The following RIMS2 variants were observed in gnomAD, a reference collection of about 807,000 sequenced individuals.
RIMS2 encodes the protein regulating synaptic membrane exocytosis 2.
In RIMS2, 59 loss-of-function variants were observed where a neutral mutation model predicts 174.4. The ratio of observed to expected loss-of-function variants is 0.34; its 90% CI spans 0.27 to 0.42. RIMS2 has a LOEUF of 0.42. RIMS2 is among the 10% of genes least tolerant of loss of function. RIMS2 has a pLI of 1.00. For missense variants in RIMS2, 1,620 were observed against 1,666.3 expected, an observed-to-expected ratio of 0.97 and a Z score of 0.48; for synonymous variants, 606 against 572.5, an observed-to-expected ratio of 1.06 and a Z score of -0.84.
At chr8:104,228,498 T>G (rs1213821347) in intron 19 of RIMS2, among the ~76,000 whole-genome samples, 2 of 152,228 alleles carry the variant, frequency 1.3e-5, no homozygotes, top group African/African-American at 4.8e-5. Context: ...AGAAAAATTC[T>G]TCATACATTT....
intron 19 of RIMS2, among the ~76,000 whole-genome samples, chr8:104,139,607 T>A (rs2098550026): frequency 6.6e-6 from 1 of 152,234 alleles, no homozygotes. Context: ...TGTATGTCAA[T>A]TTTATGTCCT....
intron 19 of RIMS2, 93 bp from the exon 24 acceptor site, chr8:104,093,378 G>T: frequency 2.3e-6 from 2 of 882,682 alleles, no homozygotes; most frequent in Non-Finnish European, 3.3e-6. Context: ...TTTCCTCTGT[G>T]GACAATTAAA....
chr8:103,929,678 A>G (rs994766786), intron 11 of RIMS2, among the ~76,000 whole-genome samples: 7 of 151,926 alleles, frequency 4.6e-5, no homozygotes, highest in African/African-American at 1.4e-4. Context: ...GATACTATCT[A>G]TAACACCTCT....
chr8:104,090,712 C>T (rs1331730456), intron 19 of RIMS2, among the ~76,000 whole-genome samples: 2 of 151,686 alleles, frequency 1.3e-5, no homozygotes, highest in Non-Finnish European at 3.0e-5. Flanking sequence ...ATGGATGAAC[C>T]TGGCCAAATG....
intron 4 of RIMS2, among the ~76,000 whole-genome samples, chr8:103,890,632 A>G (rs769059383): frequency 6.6e-6 from 1 of 151,792 alleles, no homozygotes; most frequent in African/African-American, 2.4e-5. Flanking sequence ...TCGCTTTCCC[A>G]TACTTTCTGT....
intron 1 of RIMS2, among the ~76,000 whole-genome samples, chr8:103,692,343 G>A (rs1052520393): frequency 6.6e-6 from 1 of 152,228 alleles, no homozygotes; most frequent in Non-Finnish European, 1.5e-5. Context: ...GTATTTCAGA[G>A]CCAGGGCCTG....
chr8:103,716,284 T>G (rs193075089), intron 2 of RIMS2, 25 bp from the exon 5 acceptor site: 4 of 152,182 alleles, frequency 2.6e-5, no homozygotes, highest in Admixed American at 1.3e-4. Context: ...CTTTTCTAAC[T>G]TGCTTTCGTG....
At chr8:103,583,524 A>G (rs938596369) in intron 1 of RIMS2, among the ~76,000 whole-genome samples, 3 of 152,210 alleles carry the variant, frequency 2.0e-5, no homozygotes, top group African/African-American at 4.8e-5. Flanking sequence ...GAGGAAACAC[A>G]GCTATTTTGA....
intron 19 of RIMS2, among the ~76,000 whole-genome samples, chr8:104,041,731 A>G (rs2096612551): frequency 6.6e-6 from 1 of 151,638 alleles, no homozygotes; most frequent in Non-Finnish European, 1.5e-5. Flanking sequence ...AAATAATTCC[A>G]AAAGTATTTG....
chr8:103,565,158 T>C (rs2092183011), intron 1 of RIMS2, among the ~76,000 whole-genome samples: 2 of 152,202 alleles, frequency 1.3e-5, no homozygotes, highest in African/African-American at 4.8e-5. Context: ...ATAGCACCTG[T>C]GCCCTGGTTA....
At chr8:103,579,223 AC>A (rs35010225) in intron 1 of RIMS2, among the ~76,000 whole-genome samples, 1 of 149,152 alleles carries the variant, frequency 6.7e-6, no homozygotes, top group Admixed American at 6.7e-5. Context: ...GCATAGCAAT[AC>A]TCTCTCTCTC....
chr8:103,910,699 C>CA (rs1408061764), intron 5 of RIMS2, among the ~76,000 whole-genome samples, 170 bp downstream of exon 8: 5 of 151,450 alleles, frequency 3.3e-5, no homozygotes, highest in East Asian at 1.9e-4. Context: ...AACAACAAAC[C>CA]AAAAAAAACC....
At chr8:104,103,589 T>C (rs1043552836) in intron 19 of RIMS2, among the ~76,000 whole-genome samples, 1 of 152,170 alleles carries the variant, frequency 6.6e-6, no homozygotes, top group South Asian at 2.1e-4. Context: ...AATATTCATC[T>C]TTTTTCTATT....
chr8:103,507,914 A>G (rs531373828), intron 1 of RIMS2, among the ~76,000 whole-genome samples: 1 of 152,258 alleles, frequency 6.6e-6, no homozygotes, highest in South Asian at 2.1e-4. Context: ...AAGGCCAACC[A>G]TAATCATATG....
At chr8:104,217,794 A>C (rs2099137349) in intron 19 of RIMS2, among the ~76,000 whole-genome samples, 1 of 152,210 alleles carries the variant, frequency 6.6e-6, no homozygotes, top group Non-Finnish European at 1.5e-5. Context: ...ATCAAGGGTA[A>C]TTTCTCAAGA....
intron 1 of RIMS2, among the ~76,000 whole-genome samples, chr8:103,635,752 T>C (rs2096060815): frequency 6.6e-6 from 1 of 152,116 alleles, no homozygotes; most frequent in African/African-American, 2.4e-5. Flanking sequence ...GCAGCTGAGC[T>C]GTGCTGGGGT....
chr8:103,983,763 A>T lies in RIMS2; in HGVS notation c.2928-5542A>T, dbSNP rs190378886. ...AAAATCAAATTAAAACGGATTAAAG[A>T]CCTAAATCTAATACCTAAATCTATG... is the stretch of plus-strand genomic sequence containing the variant. On this transcript the variant is annotated intron_variant, in intron 16 of 23. Transcript: ENST00000504942. Among the ~76,000 whole-genome samples, 384 of 152,292 alleles carry T rather than the reference A, an allele frequency of 2.5e-3. 3 individuals are homozygous for T. Among genetic ancestry groups the T allele is most frequent in the South Asian group, 1.0e-2 (48 of 4,820 alleles).
rs111740571 is a variant in RIMS2, at chr8:103,858,760, T to C, written c.699-26538T>C. 5.9e-3 allele frequency among the ~76,000 whole-genome samples: 878 copies of C among 149,840 alleles called. 6 individuals are homozygous for C. The highest frequency in any genetic ancestry group is 0.02 in the African/African-American group (811 of 40,366). ...ACACACACACACACACACACACACA[T>C]ATATGGGATTATAATATACAACAAA... On this transcript the variant is annotated intron_variant, in intron 3 of 23. Transcript: ENST00000504942.
rs982206863 is a variant in RIMS2 at position 104,213,171 on chromosome 8, G to T, written c.3335-31745G>T. 3.3e-5 allele frequency among the ~76,000 whole-genome samples: 5 copies of T among 152,176 alleles called. No homozygotes were observed. The South Asian group carries it at 1.0e-3, about 32-fold the overall frequency. ...TACTAAAAATACAAAAATTAGTCAG[G>T]CATTGTGGCACATACCTATAATCTC... On this transcript the variant is annotated intron_variant, in intron 19 of 23. Coordinates refer to ENST00000504942, the Ensembl canonical transcript of RIMS2.
Sources: gnomAD v4.1 joint callset for allele counts (sites outside exome capture counted in the v4.1 genomes callset) on GRCh38, gnomAD v4.1.1 for gene constraint, MANE v1.5 for transcripts, NCBI Gene and HGNC (gene_info 2026-07-23, HGNC 2026-07-21) for gene names.